Variants in PTPRG observed in about 807,000 individuals in gnomAD.
PTPRG encodes the protein receptor-type tyrosine-protein phosphatase gamma.
PTPRG carries 102 observed loss-of-function variants against 165.3 expected under a neutral mutation model. The ratio of observed to expected loss-of-function variants is 0.62; its 90% CI spans 0.53 to 0.73. PTPRG has a LOEUF of 0.73. Among genes scored for constraint, PTPRG ranks in the 30% least tolerant of loss-of-function variants. The probability of loss-of-function intolerance (pLI) is 0.00; values close to 1 mark genes in which losing one functional copy is unlikely to be tolerated. For missense variants in PTPRG, 1,866 were observed against 1,861.4 expected (o/e 1.00, Z -0.05); for synonymous variants, 675 against 669.5 (o/e 1.01, Z -0.13).
At chr3:62,063,365 T>C (rs552670885) in intron 4 of PTPRG, among the ~76,000 whole-genome samples, 197 of 152,314 alleles carry the variant, frequency 1.3e-3, no homozygotes, top group African/African-American at 4.5e-3. Context: ...AGAAAATGCC[T>C]CTCTCTAATC....
intron 1 of PTPRG, among the ~76,000 whole-genome samples, chr3:61,709,711 A>G (rs1253760009): frequency 1.3e-5 from 2 of 152,046 alleles, no homozygotes; most frequent in African/African-American, 4.8e-5. Flanking sequence ...GTATGGAAAA[A>G]TTTTGCAATG....
chr3:62,260,376 T>G (rs1701659299), intron 16 of PTPRG, among the ~76,000 whole-genome samples: 1 of 152,206 alleles, frequency 6.6e-6, no homozygotes, highest in South Asian at 2.1e-4. Flanking sequence ...CTTTAAGTGC[T>G]CTTTAAATAG....
At chr3:61,622,371 A>G (rs1462042545) in intron 1 of PTPRG, among the ~76,000 whole-genome samples, 1 of 152,154 alleles carries the variant, frequency 6.6e-6, no homozygotes, top group Non-Finnish European at 1.5e-5. Flanking sequence ...TGCTATTTGT[A>G]ATTAGTGCCT....
At chr3:61,708,208 C>A (rs1468636725) in intron 1 of PTPRG, among the ~76,000 whole-genome samples, 1 of 151,922 alleles carries the variant, frequency 6.6e-6, no homozygotes, top group Non-Finnish European at 1.5e-5. Context: ...AACTGGTGAT[C>A]TAAGCTCATT....
In PTPRG at chr3:61,617,246, A is replaced by G. The variant is rs556539476; in HGVS notation, c.85+54874A>G. On this transcript the variant is annotated intron_variant, in intron 1 of 29. Coordinates refer to ENST00000474889, the MANE Select transcript of PTPRG (RefSeq NM_002841.4). ...ACAGACAGGGCCAATTACCCAGTCT[A>G]CTATAGAGAGGTCAACTTGTTTGCC... 1.3e-4 allele frequency among the ~76,000 whole-genome samples: 20 copies of G among 152,316 alleles called. 1 individual carries two copies. In the East Asian group the frequency reaches 2.5e-3, roughly 19 times the overall value.
chr3:61,925,692 A>T, intron 2 of PTPRG, among the ~76,000 whole-genome samples: 1 of 152,078 alleles, frequency 6.6e-6, no homozygotes, highest in East Asian at 1.9e-4. Context: ...GCAGTGAGCC[A>T]AGACTGTGCC....
intron 2 of PTPRG, among the ~76,000 whole-genome samples, chr3:61,920,874 A>G (rs2039061093): frequency 6.6e-6 from 1 of 152,216 alleles, no homozygotes; most frequent in Non-Finnish European, 1.5e-5. Flanking sequence ...AAAAAATTTA[A>G]TGGGACATTT....
Position 62,273,101 on chromosome 3 carries a change from G to A in PTPRG, c.3318+20G>A, listed in dbSNP as rs140546398. On this transcript the variant is annotated intron_variant, in intron 22 of 29. Transcript: ENST00000474889. This position sits in a 1 kb window ranked among gnomAD's most constrained non-coding sequence, Gnocchi z 4.1. Reference sequence around the variant, plus strand: ...ACTGAGGTAAGGAGTAGCTGCCAGCGTCCTCACGACATTCTGGCAAATGCT... The same window carrying A: ...ACTGAGGTAAGGAGTAGCTGCCAGCATCCTCACGACATTCTGGCAAATGCT... The A allele has an allele frequency of 3.7e-4, 595 of 1,591,082 alleles. 2 individuals carry two copies. The African/African-American group carries it at 7.2e-3, about 19-fold the overall frequency.
At position 62,245,907 on chromosome 3, in the gene PTPRG, A is replaced by G. The variant is rs957520252; in HGVS notation, c.2467+2009A>G. 8.5e-5 allele frequency among the ~76,000 whole-genome samples: 13 copies of G among 152,106 alleles called. No individual in the cohort carries two copies. Among genetic ancestry groups the G allele is most frequent in the African/African-American group, 2.9e-4 (12 of 41,424 alleles). On this transcript the variant is annotated intron_variant, in intron 15 of 29. Coordinates refer to ENST00000474889, the MANE Select transcript of PTPRG (RefSeq NM_002841.4). The surrounding 1 kb of genome is among the most constrained non-coding windows in gnomAD (Gnocchi z 4.2). ...TTTGATATAGGCTTTAGAACTTTCA[A>G]TTCACTAGGATCCTCTGAATATGCC... is the stretch of plus-strand genomic sequence containing the variant.
At chr3:61,939,694 G>A (rs1424533589) in intron 2 of PTPRG, among the ~76,000 whole-genome samples, 7 of 152,214 alleles carry the variant, frequency 4.6e-5, no homozygotes, top group Non-Finnish European at 1.0e-4. Flanking sequence ...TAAAATGTTA[G>A]ATTTTATTAT....
In PTPRG at chr3:62,240,876, G is replaced by T. The variant is rs1701143901; in HGVS notation, c.2376-2931G>T. On this transcript the variant is annotated intron_variant, in intron 14 of 29. Transcript: ENST00000474889. This position sits in a 1 kb window ranked among gnomAD's most constrained non-coding sequence, Gnocchi z 5.1. ...CCACATCATTCTTATTTTCTTCATT[G>T]CTCTTGACTATTTGAAGCAATTTAT... is the stretch of plus-strand genomic sequence containing the variant. Among the ~76,000 whole-genome samples the T allele has an allele frequency of 6.6e-6, 1 of 152,076 alleles. No homozygotes were observed. Among genetic ancestry groups the T allele is most frequent in the Admixed American group, 6.6e-5 (1 of 15,264 alleles).
intron 2 of PTPRG, among the ~76,000 whole-genome samples, chr3:61,879,891 T>C (rs1380561895): frequency 3.9e-5 from 6 of 152,202 alleles, no homozygotes; most frequent in Non-Finnish European, 8.8e-5. Context: ...CTTTACGTTA[T>C]AATGAAACAA....
chr3:61,995,563 G>A (rs1057338659), intron 3 of PTPRG, among the ~76,000 whole-genome samples: 2 of 151,998 alleles, frequency 1.3e-5, no homozygotes, highest in East Asian at 1.9e-4. Context: ...TAGGAAAAGT[G>A]TGTTTGTGTG....
intron 4 of PTPRG, among the ~76,000 whole-genome samples, chr3:62,072,609 A>ATGTGTGTG (rs1174208882): frequency 1.4e-3 from 194 of 141,244 alleles, no homozygotes; most frequent in African/African-American, 5.3e-3. Flanking sequence ...GAGAATATAT[A>ATGTGTGTG]TGTGTATGTG....
intron 4 of PTPRG, among the ~76,000 whole-genome samples, chr3:62,042,936 A>G (rs1167044115): frequency 1.3e-5 from 2 of 152,220 alleles, no homozygotes; most frequent in African/African-American, 4.8e-5. Context: ...CCTTTGACCC[A>G]CATCTTAAAA....
chr3:61,819,285 A>G (rs2035885981), intron 2 of PTPRG, among the ~76,000 whole-genome samples: 1 of 152,204 alleles, frequency 6.6e-6, no homozygotes, highest in Non-Finnish European at 1.5e-5. Context: ...TTTTTGAAGG[A>G]ACTAGTGGAG....
At chr3:61,672,751 AG>A (rs1703066805) in intron 1 of PTPRG, among the ~76,000 whole-genome samples, 3 of 130,154 alleles carry the variant, frequency 2.3e-5, no homozygotes, top group Non-Finnish European at 4.8e-5. Context: ...GGAGAGGGAG[AG>A]GGAGAGGGAG....
At chr3:62,081,049 A>C (rs1324130221) in intron 5 of PTPRG, among the ~76,000 whole-genome samples, 1 of 151,788 alleles carries the variant, frequency 6.6e-6, no homozygotes, top group African/African-American at 2.4e-5. Context: ...CTAGTTCAGG[A>C]GATCGAGACC....
intron 2 of PTPRG, among the ~76,000 whole-genome samples, chr3:61,909,925 T>C (rs2038758585): frequency 6.6e-6 from 1 of 152,208 alleles, no homozygotes; most frequent in African/African-American, 2.4e-5. Context: ...TCAGAGAGTT[T>C]AGTGATCATA....
Sources: gnomAD v4.1 joint callset for allele counts (sites outside exome capture counted in the v4.1 genomes callset) on GRCh38, gnomAD v4.1.1 for gene constraint, Gnocchi (gnomAD v3.1) non-coding constraint, MANE v1.5 for transcripts, NCBI Gene and HGNC (gene_info 2026-07-23, HGNC 2026-07-21) for gene names.